Variants in PLEKHG4B observed in about 807,000 individuals in gnomAD.
The protein encoded by PLEKHG4B is pleckstrin homology domain-containing family G member 4B.
In PLEKHG4B, 111 loss-of-function variants were observed where a neutral mutation model predicts 121.3. The observed-to-expected ratio is 0.92, with a 90% CI of 0.78 to 1.07. The LOEUF (loss-of-function observed/expected upper bound fraction) is 1.07. PLEKHG4B is among the 50% of genes least tolerant of loss of function. The probability of loss-of-function intolerance (pLI) is 0.00; values close to 1 mark genes in which losing one functional copy is unlikely to be tolerated. For synonymous variants in PLEKHG4B, 738 were observed against 725.0 expected (o/e 1.02, Z -0.29); for missense variants, 1,831 against 1,757.8 (o/e 1.04, Z -0.74).
In PLEKHG4B at chr5:156,908, C is replaced by G. The variant is rs1560936183; in HGVS notation, c.2484C>G (p.Asp828Glu). The G allele has an allele frequency of 1.2e-6, 2 of 1,611,634 alleles. No individual in the cohort carries two copies. Among genetic ancestry groups the G allele is most frequent in the Non-Finnish European group, 1.7e-6 (2 of 1,179,390 alleles). ...RELASLLEGN[D>E]QQSCQKGLQL... ...TGGCGTCACTCCTGGAAGGGAATGA[C>G]CAGGTCAGAGCTGCAGGAGGAAGGC... The change falls in exon 11 of 20, where the codon GAC (aspartate) becomes GAG (glutamate). Residue 828 changes from aspartate to glutamate, a missense_variant. By Grantham distance (45) the Asp-to-Glu change is conservative. Transcript: ENST00000637938. This position sits in a 1 kb window ranked among gnomAD's most constrained non-coding sequence, Gnocchi z 4.4.
At chr5:165,725 C>T (rs1200924533) in intron 13 of PLEKHG4B, among the ~76,000 whole-genome samples, 17 of 28,926 alleles carry the variant, frequency 5.9e-4, no homozygotes, top group African/African-American at 2.0e-3. Flanking sequence ...AATGCTCTGA[C>T]GGGGCGGGGC....
At chr5:98,167 T>A (rs1733683283) in intron 1 of PLEKHG4B, among the ~76,000 whole-genome samples, 1 of 152,146 alleles carries the variant, frequency 6.6e-6, no homozygotes, top group Non-Finnish European at 1.5e-5. Context: ...TGTTTTCTTC[T>A]AAGAATTTTA....
chr5:150,822 T>C (rs530690026), intron 6 of PLEKHG4B, among the ~76,000 whole-genome samples: 73 of 152,300 alleles, frequency 4.8e-4, no homozygotes, highest in South Asian at 1.7e-3. Flanking sequence ...TACTTACTTA[T>C]CACATGAGCC....
At chr5:138,309 C>T (rs1051355140) in intron 2 of PLEKHG4B, among the ~76,000 whole-genome samples, 2 of 152,142 alleles carry the variant, frequency 1.3e-5, no homozygotes, top group Non-Finnish European at 2.9e-5. Context: ...CCGTTTTATG[C>T]CTCCTGTTCA....
intron 1 of PLEKHG4B, among the ~76,000 whole-genome samples, chr5:92,860 A>G (rs1477957296): frequency 1.3e-5 from 2 of 152,168 alleles, no homozygotes; most frequent in Non-Finnish European, 2.9e-5. Context: ...AAAAATACCA[A>G]GATTGACTTT....
intron 2 of PLEKHG4B, among the ~76,000 whole-genome samples, chr5:128,217 A>G (rs1175732430): frequency 6.6e-6 from 1 of 152,226 alleles, no homozygotes; most frequent in Non-Finnish European, 1.5e-5. Context: ...TACAGATACA[A>G]ATTTTCCCCC....
chr5:182,440 G>A lies in PLEKHG4B; in HGVS notation c.*117G>A, dbSNP rs1733446411. On this transcript the variant is annotated 3_prime_UTR_variant, in exon 20 of 20. Transcript: ENST00000637938. ...CATCGCGTGGCTGGAACGATCCAGA[G>A]GGAATAGCACAGCAGGTGTCCAGGT... 36 of 1,004,942 alleles carry A rather than the reference G, an allele frequency of 3.6e-5. 1 individual carries two copies. The South Asian group carries it at 5.6e-4, about 16-fold the overall frequency. 62.3% of individuals were successfully genotyped at this position (1,004,942 alleles called of 1,614,324 possible).
intron 1 of PLEKHG4B, among the ~76,000 whole-genome samples, chr5:100,976 A>G (rs1430034920): frequency 4.1e-4 from 42 of 101,550 alleles, no homozygotes; most frequent in African/African-American, 1.4e-3. Context: ...AAGCCCTGGA[A>G]AAAGTCTGTA....
At position 137,698 on chromosome 5, in the gene PLEKHG4B, A is replaced by G. The variant is rs1262746335; in HGVS notation, c.244-1785A>G. ...GGTGCGATTACAAGGACAAGTCACA[A>G]CGATTTTTTCAACAGTCACTTGTGC... On this transcript the variant is annotated intron_variant, in intron 2 of 19. Transcript: ENST00000637938. This position sits in a 1 kb window ranked among gnomAD's most constrained non-coding sequence, Gnocchi z 4.2. Among the ~76,000 whole-genome samples, 3 of 152,236 alleles carry G rather than the reference A, an allele frequency of 2.0e-5. No homozygotes were observed. The highest frequency in any genetic ancestry group is 7.2e-5 in the African/African-American group (3 of 41,466).
Position 140,541 on chromosome 5 carries a change from C to A in PLEKHG4B, c.1302C>A (p.Pro434=). The change falls in exon 3 of 20, where the codon CCC becomes CCA. Residue 434 remains proline (P), a synonymous_variant. Transcript: ENST00000637938. ...TGPGAAGRTL[P]RRSRSWERAP... ...CAGGAGCTGCAGGGCGGACTCTTCC[C>A]AGGAGATCTCGGTCCTGGGAAAGGG... 6.2e-7 allele frequency: 1 copy of A among 1,602,688 alleles called. No homozygotes were observed.
chr5:169,425 T>C lies in PLEKHG4B; in HGVS notation c.3562T>C (p.Phe1188Leu). ...RCLGYVIDNY[F>L]PEMERMDLPQ... ...CTTAGGATACGTCATTGACAACTAT[T>C]TTCCAGAAATGGAAAGAATGGACTT... The change falls in exon 14 of 20, where the codon TTT becomes CTT. Residue 1188 changes from phenylalanine (F) to leucine (L), a missense_variant. By Grantham distance (22) the Phe-to-Leu change is conservative. Coordinates refer to ENST00000637938, the MANE Select transcript of PLEKHG4B (RefSeq NM_052909.5). 6.2e-7 allele frequency: 1 copy of C among 1,614,180 alleles called. No homozygotes were observed.
intron 16 of PLEKHG4B, 117 bp downstream of exon 16, chr5:171,561 G>A (rs1306053940): frequency 1.2e-5 from 13 of 1,064,482 alleles, no homozygotes; most frequent in Middle Eastern, 3.0e-4. Flanking sequence ...GATTTGCCCC[G>A]GAGAAGTCCC....
In PLEKHG4B at chr5:186,848, C is replaced by G. The variant is rs1295605376; in HGVS notation, c.*4525C>G. On this transcript the variant is annotated 3_prime_UTR_variant, in exon 20 of 20. Coordinates refer to ENST00000637938, the MANE Select transcript of PLEKHG4B (RefSeq NM_052909.5). The stretch of plus-strand genomic sequence containing the variant: ...CCCAGGGATGGTGTGGGGATTCCTG[C>G]CCCCCGTCCATGCCTCAGCACTGGG... 1 of 152,292 alleles carries G rather than the reference C, an allele frequency of 6.6e-6. No individual in the cohort carries two copies. The highest frequency in any genetic ancestry group is 1.5e-5 in the Non-Finnish European group (1 of 68,242). 9.4% of individuals were successfully genotyped at this position (152,292 alleles called of 1,614,324 possible). A position where few individuals can be genotyped will look rare whatever the true frequency, so the allele number is the denominator to read the frequency against.
chr5:126,686 G>C (rs1365952461), intron 2 of PLEKHG4B, among the ~76,000 whole-genome samples: 2 of 152,112 alleles, frequency 1.3e-5, no homozygotes, highest in South Asian at 2.1e-4. Context: ...TTGTTGAAGC[G>C]GCACTGTTTT....
rs1336199910 is a variant in PLEKHG4B, at chr5:157,873, T to G, written c.2487+962T>G. The stretch of plus-strand genomic sequence containing the variant: ...GGGGTGGAGGCATCCCCAGCCCTCC[T>G]GTCTGCTGGCAAAGCTCCCCCGGCC... On this transcript the variant is annotated intron_variant, in intron 11 of 19. Transcript: ENST00000637938. The surrounding 1 kb of genome is among the most constrained non-coding windows in gnomAD (Gnocchi z 4.6). 6.6e-6 allele frequency among the ~76,000 whole-genome samples: 1 copy of G among 152,154 alleles called. No individual in the cohort carries two copies. Among genetic ancestry groups the G allele is most frequent in the Non-Finnish European group, 1.5e-5 (1 of 68,004 alleles).
At chr5:162,652 G>A in intron 12 of PLEKHG4B, 70 bp from the exon 13 acceptor site, 7 of 1,168,362 alleles carry the variant, frequency 6.0e-6, no homozygotes, top group Non-Finnish European at 7.8e-6. Flanking sequence ...CTGGGGAACA[G>A]CAGGGCCTGA....
rs1735912084 is a variant in PLEKHG4B at position 159,246 on chromosome 5, TGTGCCTG to T, written c.2487+2336_2487+2342del. Among the ~76,000 whole-genome samples the T allele has an allele frequency of 1.3e-5, 2 of 149,854 alleles. No individual in the cohort carries two copies. Among genetic ancestry groups the T allele is most frequent in the African/African-American group, 5.0e-5 (2 of 39,878 alleles). On this transcript the variant is annotated intron_variant, in intron 11 of 19. Coordinates refer to ENST00000637938, the MANE Select transcript of PLEKHG4B (RefSeq NM_052909.5). The surrounding 1 kb of genome is among the most constrained non-coding windows in gnomAD (Gnocchi z 5.5). ...GTCGCCCAGGTGCACTGAGGGCAGG[TGTGCCTG>T]AGGGTCGCCCAGGTGCACTGAGGGC...
rs1216500652 is a variant in PLEKHG4B at position 137,630 on chromosome 5, G to A, written c.244-1853G>A. On this transcript the variant is annotated intron_variant, in intron 2 of 19. Coordinates refer to ENST00000637938, the MANE Select transcript of PLEKHG4B (RefSeq NM_052909.5). The surrounding 1 kb of genome is among the most constrained non-coding windows in gnomAD (Gnocchi z 4.2). ...TGTGGGAGGGCAAAAGGCATGAAAG[G>A]CTCCAACACCCTCCCATTTCTGTTT... 1.3e-5 allele frequency among the ~76,000 whole-genome samples: 2 copies of A among 152,194 alleles called. No individual in the cohort carries two copies. Among genetic ancestry groups the A allele is most frequent in the Admixed American group, 1.3e-4 (2 of 15,276 alleles).
intron 2 of PLEKHG4B, among the ~76,000 whole-genome samples, chr5:124,517 G>A (rs1217865115): frequency 1.3e-5 from 2 of 152,220 alleles, no homozygotes; most frequent in Non-Finnish European, 2.9e-5. Context: ...AGAGCTGTCT[G>A]TGTCTGTCTT....
Sources: allele counts gnomAD v4.1 joint callset (sites outside exome capture counted in the v4.1 genomes callset), GRCh38; gene constraint gnomAD v4.1.1; non-coding constraint Gnocchi (gnomAD v3.1); transcripts MANE v1.5; gene names NCBI Gene and HGNC (gene_info 2026-07-23, HGNC 2026-07-21).